The following ARHGAP15 variants were observed in gnomAD, a reference collection of about 807,000 sequenced individuals.
The protein encoded by ARHGAP15 is rho GTPase-activating protein 15.
A neutral mutation model predicts 63.7 loss-of-function variants in ARHGAP15; 51 were observed. The ratio of observed to expected loss-of-function variants is 0.80; its 90% CI spans 0.64 to 1.01. The LOEUF (loss-of-function observed/expected upper bound fraction) is 1.01. Among genes scored for constraint, ARHGAP15 ranks in the 50% least tolerant of loss-of-function variants. The pLI, the probability that ARHGAP15 is intolerant of heterozygous loss-of-function variation, is 0.00. For synonymous variants in ARHGAP15, 191 were observed against 193.8 expected (o/e 0.99, Z 0.12); for missense variants, 560 against 564.6 (o/e 0.99, Z 0.08).
intron 6 of ARHGAP15, among the ~76,000 whole-genome samples, chr2:143,296,905 A>G (rs1415529931): frequency 1.3e-5 from 2 of 151,916 alleles, no homozygotes; most frequent in Non-Finnish European, 2.9e-5. Flanking sequence ...CTTGTGAGAA[A>G]ATGCAGTATT....
At chr2:143,465,790 G>A (rs989094222) in intron 8 of ARHGAP15, among the ~76,000 whole-genome samples, 21 of 151,804 alleles carry the variant, frequency 1.4e-4, no homozygotes, top group Middle Eastern at 3.4e-3. Context: ...TGTTATATTA[G>A]CATCAGTGAC....
intron 12 of ARHGAP15, among the ~76,000 whole-genome samples, chr2:143,666,169 T>C (rs1258684041): frequency 5.9e-5 from 9 of 151,486 alleles, no homozygotes; most frequent in Admixed American, 3.3e-4. Flanking sequence ...CTTCAAACTA[T>C]ACTACAAGAC....
At position 143,510,265 on chromosome 2, in the gene ARHGAP15, G is replaced by T. The variant is rs137967511; in HGVS notation, c.827-9001G>T. Among the ~76,000 whole-genome samples the T allele has an allele frequency of 5.8e-3, 883 of 152,126 alleles. 17 individuals are homozygous for T. Among genetic ancestry groups the T allele is most frequent in the African/African-American group, 0.02 (838 of 41,506 alleles). ...ATAATCTGCCCATATGTGTGGCATT[G>T]CTGTGGGAGAAAAATTCTAAGTGAA... On this transcript the variant is annotated intron_variant, in intron 9 of 13. Transcript: ENST00000295095.
intron 2 of ARHGAP15, among the ~76,000 whole-genome samples, chr2:143,178,517 C>T (rs749001448): frequency 6.6e-6 from 1 of 152,174 alleles, no homozygotes; most frequent in Non-Finnish European, 1.5e-5. Context: ...GAAGAATTCA[C>T]GCTAAATAAA....
At chr2:143,337,876 T>G (rs1161439388) in intron 6 of ARHGAP15, among the ~76,000 whole-genome samples, 1 of 152,208 alleles carries the variant, frequency 6.6e-6, no homozygotes, top group Non-Finnish European at 1.5e-5. Context: ...AGCTGGAAAT[T>G]ATTTAGTAAT....
intron 13 of ARHGAP15, among the ~76,000 whole-genome samples, chr2:143,758,317 A>G (rs1268795797): frequency 1.3e-5 from 2 of 151,684 alleles, no homozygotes; most frequent in African/African-American, 4.8e-5. Flanking sequence ...AGGTAGATGG[A>G]TAGATGAGTA....
intron 2 of ARHGAP15, among the ~76,000 whole-genome samples, chr2:143,196,563 C>T (rs772644874): frequency 3.8e-4 from 58 of 151,886 alleles, no homozygotes; most frequent in Admixed American, 1.1e-3. Flanking sequence ...TCTTAATAAA[C>T]AGATCAGAGA....
chr2:143,656,597 A>G (rs1051123924), intron 12 of ARHGAP15, among the ~76,000 whole-genome samples: 1 of 152,194 alleles, frequency 6.6e-6, no homozygotes, highest in Non-Finnish European at 1.5e-5. Context: ...GAAGGTGATA[A>G]TGTTCTGAAT....
Position 143,216,368 on chromosome 2 carries a change from T to C in ARHGAP15, c.235-16T>C, listed in dbSNP as rs370590518. On this transcript the variant is annotated splice_polypyrimidine_tract_variant and intron_variant, in intron 3 of 13. Transcript: ENST00000295095. ...AGTAGTTTGTCACGGTTTTAACATA[T>C]GCATTCTTCTTGCAGATGGTTGAAA... is the stretch of plus-strand genomic sequence containing the variant. 17 of 1,602,828 alleles carry C rather than the reference T, an allele frequency of 1.1e-5. No homozygotes were observed. The Admixed American group carries it at 1.7e-4, about 16-fold the overall frequency.
chr2:143,323,675 T>C (rs1286152682), intron 6 of ARHGAP15, among the ~76,000 whole-genome samples: 1 of 151,594 alleles, frequency 6.6e-6, no homozygotes, highest in African/African-American at 2.4e-5. Context: ...GGCGGGTGGA[T>C]CATGAGGTCA....
At chr2:143,741,959 G>A (rs1685979260) in intron 13 of ARHGAP15, among the ~76,000 whole-genome samples, 1 of 152,152 alleles carries the variant, frequency 6.6e-6, no homozygotes, top group South Asian at 2.1e-4. Context: ...AAAACAATAA[G>A]CAGCTAGAAA....
chr2:143,230,062 C>A (rs561684324), intron 5 of ARHGAP15, among the ~76,000 whole-genome samples: 1 of 151,922 alleles, frequency 6.6e-6, no homozygotes, highest in Non-Finnish European at 1.5e-5. Context: ...ATAAAGTACC[C>A]CTAAGGGCCA....
At chr2:143,200,154 C>G (rs966774166) in intron 2 of ARHGAP15, among the ~76,000 whole-genome samples, 4 of 152,166 alleles carry the variant, frequency 2.6e-5, no homozygotes, top group Non-Finnish European at 4.4e-5. Flanking sequence ...GTCCCCGGCT[C>G]TCCTTTCTGA....
intron 5 of ARHGAP15, among the ~76,000 whole-genome samples, chr2:143,246,137 C>T (rs960393046): frequency 3.3e-5 from 5 of 152,120 alleles, no homozygotes; most frequent in South Asian, 2.1e-4. Flanking sequence ...AAAGTAAATT[C>T]GTATCAGCTC....
intron 12 of ARHGAP15, among the ~76,000 whole-genome samples, chr2:143,642,927 G>A (rs1680677252): frequency 6.6e-6 from 1 of 152,130 alleles, no homozygotes; most frequent in African/African-American, 2.4e-5. Context: ...ACAAAGGAGA[G>A]CAGATACAGT....
chr2:143,370,123 A>G (rs1423014274), intron 6 of ARHGAP15, among the ~76,000 whole-genome samples: 2 of 152,242 alleles, frequency 1.3e-5, no homozygotes, highest in Non-Finnish European at 2.9e-5. Context: ...CTGAACTGTA[A>G]GAACCCTAAG....
At chr2:143,397,310 A>ATATG (rs1159907683) in intron 6 of ARHGAP15, among the ~76,000 whole-genome samples, 3 of 127,396 alleles carry the variant, frequency 2.4e-5, no homozygotes, top group East Asian at 2.6e-4. Context: ...ATAATATGAG[A>ATATG]TATGTATGTG....
chr2:143,478,854 A>G (rs1052235835), intron 8 of ARHGAP15, among the ~76,000 whole-genome samples: 2 of 152,202 alleles, frequency 1.3e-5, no homozygotes, highest in African/African-American at 2.4e-5. Flanking sequence ...TTCTCAAACT[A>G]TCTGCACATG....
intron 9 of ARHGAP15, among the ~76,000 whole-genome samples, chr2:143,504,046 A>G (rs1164148334): frequency 6.6e-6 from 1 of 152,174 alleles, no homozygotes; most frequent in Non-Finnish European, 1.5e-5. Flanking sequence ...TATGGTCTTT[A>G]AACTGAGCCT....
Sources: allele counts gnomAD v4.1 joint callset (sites outside exome capture counted in the v4.1 genomes callset), GRCh38; gene constraint gnomAD v4.1.1; transcripts MANE v1.5; gene names NCBI Gene and HGNC (gene_info 2026-07-23, HGNC 2026-07-21).